The following SEPTIN7 variants were observed in gnomAD, a reference collection of about 807,000 sequenced individuals.
SEPTIN7 encodes the protein septin-7.
SEPTIN7 carries 10 observed loss-of-function variants against 63.3 expected under a neutral mutation model. That is an observed-to-expected ratio of 0.16 (90% CI 0.10 to 0.27). The LOEUF (loss-of-function observed/expected upper bound fraction) is 0.27. Ranked by LOEUF, SEPTIN7 falls within the 10% of genes least tolerant of loss-of-function variation. SEPTIN7 has a pLI of 1.00. For synonymous variants in SEPTIN7, 131 were observed against 165.3 expected, an observed-to-expected ratio of 0.79 and a Z score of 1.59; for missense variants, 310 against 521.0, an observed-to-expected ratio of 0.59 and a Z score of 3.94.
chr7:35,897,117 G>C (rs1182633334), intron 11 of SEPTIN7, among the ~76,000 whole-genome samples: 2 of 151,996 alleles, frequency 1.3e-5, no homozygotes, highest in Admixed American at 6.6e-5. Context: ...TCCAAGGTCT[G>C]GTTTTCGTTT....
At position 35,801,165 on chromosome 7, in the gene SEPTIN7, G is replaced by T. The variant is rs1293348903; in HGVS notation, c.-45G>T. The T allele has an allele frequency of 1.4e-5, 21 of 1,451,238 alleles. No individual in the cohort carries two copies. The highest frequency in any genetic ancestry group is 1.2e-5 in the Non-Finnish European group (13 of 1,094,422). The allele number at this position is 1,451,238 out of a possible 1,614,324, so 89.9% of individuals were successfully genotyped here. ...TCGGCGTAGGCGCCTTTGGAGAATC[G>T]GCGGGCTGCGCTCCGCTGGGGCTGG... is the stretch of plus-strand genomic sequence containing the variant. On this transcript the variant is annotated 5_prime_UTR_variant, in exon 1 of 14. Transcript: ENST00000350320.
intron 3 of SEPTIN7, among the ~76,000 whole-genome samples, chr7:35,857,056 C>T (rs910783663): frequency 2.6e-5 from 4 of 152,056 alleles, no homozygotes; most frequent in African/African-American, 7.3e-5. Context: ...GTAAATAGTA[C>T]AGTCAATTAC....
chr7:35,839,643 C>G, intron 3 of SEPTIN7, among the ~76,000 whole-genome samples: 1 of 152,104 alleles, frequency 6.6e-6, no homozygotes, highest in East Asian at 1.9e-4. Context: ...ACCTCCACCT[C>G]CCAGGTTCAA....
chr7:35,842,303 T>C (rs1784445216), intron 3 of SEPTIN7, among the ~76,000 whole-genome samples: 2 of 151,890 alleles, frequency 1.3e-5, no homozygotes, highest in Non-Finnish European at 2.9e-5. Flanking sequence ...ACCTTTGTAG[T>C]GGTAAATTTG....
chr7:35,822,890 T>C (rs1425794532), intron 1 of SEPTIN7, among the ~76,000 whole-genome samples: 1 of 152,182 alleles, frequency 6.6e-6, no homozygotes, highest in Admixed American at 6.5e-5. Flanking sequence ...AAAGATGACA[T>C]CTAACACTCA....
chr7:35,879,955 TTAA>T lies in SEPTIN7; in HGVS notation c.630+16_630+18del. ...TTAAAAAACAGGTGAGCAGGATGTG[TTAA>T]CCCAGGTTTCTTATACCGTTCTCAT... On this transcript the variant is annotated intron_variant, in intron 7 of 13. Coordinates refer to ENST00000350320, the MANE Select transcript of SEPTIN7 (RefSeq NM_001788.6). 7.0e-7 allele frequency: 1 copy of T among 1,419,514 alleles called. No individual in the cohort carries two copies. Among genetic ancestry groups the T allele is most frequent in the Non-Finnish European group, 9.8e-7 (1 of 1,020,558 alleles). The allele number at this position is 1,419,514 out of a possible 1,614,324, so 87.9% of individuals were successfully genotyped here.
At chr7:35,876,273 T>G (rs1786467710) in intron 6 of SEPTIN7, among the ~76,000 whole-genome samples, 1 of 152,154 alleles carries the variant, frequency 6.6e-6, no homozygotes, top group Admixed American at 6.5e-5. Context: ...ATCTTGTTAT[T>G]TGGATTTTAA....
chr7:35,835,297 T>C (rs1339761835), intron 3 of SEPTIN7, among the ~76,000 whole-genome samples: 5 of 152,172 alleles, frequency 3.3e-5, no homozygotes, highest in Admixed American at 1.3e-4. Context: ...GGGGCCAAGA[T>C]TGAAGGAGCA....
intron 3 of SEPTIN7, among the ~76,000 whole-genome samples, chr7:35,838,235 A>AACTTACTT (rs1414659052): frequency 3.8e-4 from 29 of 76,028 alleles, no homozygotes; most frequent in South Asian, 1.6e-3. Flanking sequence ...ATATTATCCA[A>AACTTACTT]ACTTCCTTCC....
At chr7:35,895,603 A>C (rs1787912859) in intron 11 of SEPTIN7, among the ~76,000 whole-genome samples, 1 of 152,184 alleles carries the variant, frequency 6.6e-6, no homozygotes, top group Non-Finnish European at 1.5e-5. Context: ...TTGGGAAATA[A>C]ATTAGCTTTA....
chr7:35,880,223 CTTTTTTTTT>C, intron 7 of SEPTIN7, among the ~76,000 whole-genome samples: 11 of 72,776 alleles, frequency 1.5e-4, no homozygotes, highest in Admixed American at 5.6e-4. Context: ...TTTTTCTTTT[CTTTTTTTTT>C]TTTTTTTTTT....
chr7:35,891,739 T>A (rs565135216), intron 11 of SEPTIN7, among the ~76,000 whole-genome samples: 1 of 152,210 alleles, frequency 6.6e-6, no homozygotes, highest in South Asian at 2.1e-4. Context: ...ATTTATTTTT[T>A]AAATTTCTCT....
chr7:35,860,643 T>C (rs1785454860), intron 3 of SEPTIN7, among the ~76,000 whole-genome samples: 1 of 152,226 alleles, frequency 6.6e-6, no homozygotes, highest in Non-Finnish European at 1.5e-5. Context: ...ACATTTATTT[T>C]CTTGTAGCAC....
chr7:35,820,966 T>C (rs1193608372), intron 1 of SEPTIN7, among the ~76,000 whole-genome samples: 1 of 152,206 alleles, frequency 6.6e-6, no homozygotes, highest in Non-Finnish European at 1.5e-5. Flanking sequence ...CTTGGTTATC[T>C]TAGTGGTCAC....
At chr7:35,811,628 G>T (rs6972499) in intron 1 of SEPTIN7, among the ~76,000 whole-genome samples, 73,746 of 151,970 alleles carry the variant, frequency 0.49, 19,652 homozygotes, top group African/African-American at 0.72. Flanking sequence ...GGTTCTCATC[G>T]GTAAACCCAG....
chr7:35,885,366 T>G (rs1168341846), intron 9 of SEPTIN7, among the ~76,000 whole-genome samples: 1 of 152,138 alleles, frequency 6.6e-6, no homozygotes, highest in African/African-American at 2.4e-5. Context: ...ACCCCTCTAC[T>G]CCCAAGTAAT....
rs143491779 is a variant in SEPTIN7 at position 35,847,429 on chromosome 7, T to G, written c.169+14529T>G. 2.3e-3 allele frequency: 372 copies of G among 163,104 alleles called. 2 individuals are homozygous for G. Among genetic ancestry groups the G allele is most frequent in the Admixed American group, 0.017 (291 of 16,772 alleles). 10.1% of individuals were successfully genotyped at this position (163,104 alleles called of 1,614,324 possible). ...GGAATAGTCAGTGGAGTCTGCATTGTCTTGGTGAGGTCCACAGCTGCTCGG... is the reference window on the plus strand; with the variant it reads ...GGAATAGTCAGTGGAGTCTGCATTGGCTTGGTGAGGTCCACAGCTGCTCGG... On this transcript the variant is annotated intron_variant, in intron 3 of 13. Coordinates refer to ENST00000350320, the MANE Select transcript of SEPTIN7 (RefSeq NM_001788.6).
At chr7:35,855,630 G>A (rs1785166824) in intron 3 of SEPTIN7, among the ~76,000 whole-genome samples, 1 of 152,124 alleles carries the variant, frequency 6.6e-6, no homozygotes, top group Non-Finnish European at 1.5e-5. Flanking sequence ...TTTCACATAG[G>A]AAGAGTTAAG....
At position 35,849,662 on chromosome 7, in the gene SEPTIN7, T is replaced by C. The variant is rs559092595; in HGVS notation, c.170-13890T>C. ...GCAAAACATCTTGGTGTGGTATCTT[T>C]TCTTCATTTTACAGCCAGATGTAAA... On this transcript the variant is annotated intron_variant, in intron 3 of 13. Coordinates refer to ENST00000350320, the MANE Select transcript of SEPTIN7 (RefSeq NM_001788.6). Among the ~76,000 whole-genome samples the C allele has an allele frequency of 5.3e-5, 8 of 152,324 alleles. No homozygotes were observed. In the South Asian group the frequency reaches 1.7e-3, roughly 32 times the overall value.
Sources: gnomAD v4.1 joint callset for allele counts (sites outside exome capture counted in the v4.1 genomes callset) on GRCh38, gnomAD v4.1.1 for gene constraint, MANE v1.5 for transcripts, NCBI Gene and HGNC (gene_info 2026-07-23, HGNC 2026-07-21) for gene names.